FAAH2: variants seen among roughly 807,000 people sequenced by gnomAD.
FAAH2 encodes the protein fatty-acid amide hydrolase 2.
A neutral mutation model predicts 36.9 loss-of-function variants in FAAH2; 60 were observed. The ratio of observed to expected loss-of-function variants is 1.63; its 90% CI spans 1.32 to 2.02. FAAH2 has a LOEUF of 2.02. FAAH2 is among the 30% of genes most tolerant of loss of function. The pLI is 0.00. For missense variants in FAAH2, 689 were observed against 397.5 expected (o/e 1.73, Z -6.23); for synonymous variants, 214 against 143.8 (o/e 1.49, Z -3.49).
chrX:57,246,942 C>T, the FAAH2 span, among the ~76,000 whole-genome samples: 1 of 111,383 alleles, frequency 9.0e-6, no homozygotes, highest in Non-Finnish European at 1.9e-5. Context: ...CTGAAAACAG[C>T]TATGCATAAT....
intron 10 of FAAH2, among the ~76,000 whole-genome samples, chrX:57,471,346 C>T (rs1230963850): frequency 9.0e-6 from 1 of 111,687 alleles, no homozygotes; most frequent in Non-Finnish European, 1.9e-5. Context: ...TCTAGAAATC[C>T]CCATTGTCTC....
At chrX:57,375,922 A>T (rs749307259) in intron 5 of FAAH2, among the ~76,000 whole-genome samples, 1 of 111,787 alleles carries the variant, frequency 8.9e-6, no homozygotes, top group Non-Finnish European at 1.9e-5. Context: ...GTATGAATTA[A>T]GATTGAAAGT....
At chrX:57,197,301 T>C in the FAAH2 span, among the ~76,000 whole-genome samples, 2 of 112,207 alleles carry the variant, frequency 1.8e-5, no homozygotes, top group African/African-American at 6.5e-5. Context: ...TTTTTTAAAT[T>C]TGGTTTTCAC....
At chrX:57,446,453 C>T (rs1035263339) in intron 8 of FAAH2, among the ~76,000 whole-genome samples, 1 of 111,793 alleles carries the variant, frequency 8.9e-6, no homozygotes, top group African/African-American at 3.3e-5. Flanking sequence ...ATGCAATGTG[C>T]CTATTTAATG....
At chrX:57,467,296 G>A (rs1055165452) in intron 10 of FAAH2, among the ~76,000 whole-genome samples, 10 of 110,928 alleles carry the variant, frequency 9.0e-5, no homozygotes, top group Admixed American at 4.8e-4. Flanking sequence ...CCAAAGCAGG[G>A]CAAGGCATCG....
chrX:57,302,234 T>G (rs2052394206), intron 2 of FAAH2, among the ~76,000 whole-genome samples: 1 of 112,031 alleles, frequency 8.9e-6, no homozygotes, highest in African/African-American at 3.2e-5. Flanking sequence ...TGTTAGTTAT[T>G]TCATGAACTT....
At chrX:57,128,234 G>T in the FAAH2 span, among the ~76,000 whole-genome samples, 2 of 111,467 alleles carry the variant, frequency 1.8e-5, no homozygotes, top group African/African-American at 3.3e-5. Context: ...TGATGTAAAA[G>T]AACCTTTCCA....
chrX:57,338,115 A>C lies in FAAH2; in HGVS notation c.623-3156A>C, dbSNP rs1456910438. Among the ~76,000 whole-genome samples, 5 of 111,735 alleles carry C rather than the reference A, an allele frequency of 4.5e-5. No homozygotes were observed. In the Admixed American group the frequency reaches 4.8e-4, roughly 11 times the overall value. ...CCAAACAGGCTTTGTGTGAGCAATA[A>C]AAGCTTTTAATCACCTGGGTGCAGG... On this transcript the variant is annotated intron_variant, in intron 4 of 10. Coordinates refer to ENST00000374900, the MANE Select transcript of FAAH2 (RefSeq NM_174912.4).
Position 57,484,888 on chromosome X carries a change from G to A in FAAH2, c.1424-3869G>A, listed in dbSNP as rs776297425. On this transcript the variant is annotated intron_variant, in intron 10 of 10. Transcript: ENST00000374900. ...AAGGGGCTGGACCTGGGTTGAGCCA[G>A]CCCAGAGTTCAGTGCTGTCTGTGTA... 1.6e-4 allele frequency among the ~76,000 whole-genome samples: 18 copies of A among 111,229 alleles called. No homozygotes were observed. In the South Asian group the frequency reaches 6.2e-3, roughly 38 times the overall value.
At chrX:57,452,411 T>G (rs2056801199) in intron 10 of FAAH2, 1 of 671,205 alleles carries the variant, frequency 1.5e-6, no homozygotes, top group Non-Finnish European at 1.8e-6. Context: ...GAGAACAAAC[T>G]TGACTTTGTG....
intron 8 of FAAH2, among the ~76,000 whole-genome samples, chrX:57,434,942 C>T (rs1223233276): frequency 4.5e-5 from 5 of 110,668 alleles, no homozygotes; most frequent in Non-Finnish European, 9.5e-5. Context: ...GCAGAAACTT[C>T]GCAGGTCAGA....
chrX:57,331,459 G>A, intron 3 of FAAH2, 139 bp from the exon 4 acceptor site: 1 of 472,502 alleles, frequency 2.1e-6, no homozygotes. Flanking sequence ...TGCTAGCAGT[G>A]TGCCAGTCTT....
chrX:57,419,544 C>T (rs745480641), intron 7 of FAAH2, among the ~76,000 whole-genome samples: 77 of 111,744 alleles, frequency 6.9e-4, no homozygotes, highest in African/African-American at 2.0e-3. Context: ...TCCCATCCTT[C>T]GCCCACTTTT....
At chrX:57,281,196 A>G in the FAAH2 span, among the ~76,000 whole-genome samples, 1 of 111,734 alleles carries the variant, frequency 8.9e-6, no homozygotes, top group Non-Finnish European at 1.9e-5. Flanking sequence ...CCATTGGGGG[A>G]AAATGAGTAA....
At chrX:57,189,226 T>C in the FAAH2 span, among the ~76,000 whole-genome samples, 1 of 110,979 alleles carries the variant, frequency 9.0e-6, no homozygotes, top group East Asian at 2.9e-4. Context: ...GCTGTGTTTT[T>C]TGGCTCCATC....
At chrX:57,216,554 A>G in the FAAH2 span, among the ~76,000 whole-genome samples, 20 of 39,702 alleles carry the variant, frequency 5.0e-4, no homozygotes, top group Middle Eastern at 0.014. Context: ...GTATATGTAT[A>G]TATATATATA....
At chrX:57,412,219 T>A (rs772327094) in intron 7 of FAAH2, among the ~76,000 whole-genome samples, 23 of 112,371 alleles carry the variant, frequency 2.0e-4, no homozygotes, top group African/African-American at 5.2e-4. Context: ...TTCTTTTTTT[T>A]AAATTATATT....
At chrX:57,274,490 G>C in the FAAH2 span, among the ~76,000 whole-genome samples, 2 of 111,913 alleles carry the variant, frequency 1.8e-5, no homozygotes, top group African/African-American at 3.2e-5. Context: ...GATAAATATC[G>C]ATGTGACAAT....
intron 7 of FAAH2, among the ~76,000 whole-genome samples, chrX:57,424,061 T>A (rs1258380176): frequency 1.8e-5 from 2 of 111,682 alleles, no homozygotes; most frequent in African/African-American, 6.5e-5. Flanking sequence ...CCCCAGCTAC[T>A]CAGTAGGTCT....
Sources: allele counts gnomAD v4.1 joint callset (sites outside exome capture counted in the v4.1 genomes callset), GRCh38; gene constraint gnomAD v4.1.1; transcripts MANE v1.5; gene names NCBI Gene and HGNC (gene_info 2026-07-23, HGNC 2026-07-21).